RARB: variants seen among roughly 807,000 people sequenced by gnomAD.
RARB encodes retinoic acid receptor beta, also known as HBV-activated protein.
RARB carries 17 observed loss-of-function variants against 51.9 expected under a neutral mutation model. That is an observed-to-expected ratio of 0.33 (90% CI 0.22 to 0.49). The LOEUF is 0.49. Ranked by LOEUF, RARB falls within the 20% of genes least tolerant of loss-of-function variation. The pLI is 0.99. For missense variants in RARB, 369 were observed against 550.8 expected (o/e 0.67, Z 3.30); for synonymous variants, 215 against 195.4 (o/e 1.10, Z -0.84).
At chr3:25,270,236 TC>T (rs1703226970) in intron 5 of RARB, among the ~76,000 whole-genome samples, 1 of 152,192 alleles carries the variant, frequency 6.6e-6, no homozygotes, top group South Asian at 2.1e-4. Context: ...AATCCAAATC[TC>T]CATTGGTGCA....
At chr3:24,934,710 A>G (rs1695513944) in intron 2 of RARB, among the ~76,000 whole-genome samples, 1 of 152,154 alleles carries the variant, frequency 6.6e-6, no homozygotes, top group African/African-American at 2.4e-5. Context: ...TCTAAGAAGA[A>G]AATGCTTGGC....
chr3:25,561,025 C>T (rs1575520349), intron 3 of RARB, among the ~76,000 whole-genome samples: 1 of 152,170 alleles, frequency 6.6e-6, no homozygotes, highest in Non-Finnish European at 1.5e-5. Context: ...CTGATGTCCT[C>T]ATTTTTCAGA....
At chr3:24,865,972 C>T (rs990801044) in intron 2 of RARB, among the ~76,000 whole-genome samples, 1 of 152,114 alleles carries the variant, frequency 6.6e-6, no homozygotes, top group Non-Finnish European at 1.5e-5. Flanking sequence ...AAGTTGACCT[C>T]TTTCCCCCTA....
At chr3:25,478,363 G>T (rs1017082924) in intron 2 of RARB, among the ~76,000 whole-genome samples, 8 of 152,198 alleles carry the variant, frequency 5.3e-5, no homozygotes, top group Non-Finnish European at 1.2e-4. Flanking sequence ...TGAATCACAG[G>T]CTCTTTCTTC....
intron 5 of RARB, among the ~76,000 whole-genome samples, chr3:25,264,643 C>T (rs1201331375): frequency 6.6e-6 from 1 of 152,026 alleles, no homozygotes; most frequent in Non-Finnish European, 1.5e-5. Flanking sequence ...AAAGTTTAAA[C>T]AATATAAAAA....
chr3:25,069,260 T>C (rs897046660), intron 3 of RARB, among the ~76,000 whole-genome samples: 2 of 151,820 alleles, frequency 1.3e-5, no homozygotes, highest in African/African-American at 2.4e-5. Context: ...ATAAACTCAT[T>C]GATATTGAGG....
Position 25,347,334 on chromosome 3 carries a change from C to G in RARB, c.179-113859C>G, listed in dbSNP as rs138655517. ...GAGGCTTTCCACCCTTCATGGCGGA[C>G]TTGACCAGCTATCCAGCCTATGACA... On this transcript the variant is annotated intron_variant, in intron 5 of 11. Coordinates refer to the RARB transcript ENST00000383772. 7.6e-3 allele frequency among the ~76,000 whole-genome samples: 1,158 copies of G among 152,308 alleles called. 15 individuals are homozygous for G. Among genetic ancestry groups the G allele is most frequent in the African/African-American group, 0.026 (1,078 of 41,572 alleles).
At chr3:24,996,139 T>C (rs1337254895) in intron 2 of RARB, among the ~76,000 whole-genome samples, 2 of 152,096 alleles carry the variant, frequency 1.3e-5, no homozygotes, top group Non-Finnish European at 2.9e-5. Flanking sequence ...TCCCATGCCT[T>C]GTTATTGGTC....
At chr3:25,047,537 G>T (rs1698241759) in intron 2 of RARB, among the ~76,000 whole-genome samples, 1 of 152,218 alleles carries the variant, frequency 6.6e-6, no homozygotes, top group Admixed American at 6.5e-5. Context: ...AAGGAACACG[G>T]TGTTGCATAG....
intron 2 of RARB, among the ~76,000 whole-genome samples, chr3:24,871,928 C>G (rs1314050604): frequency 6.6e-6 from 1 of 152,104 alleles, no homozygotes; most frequent in Non-Finnish European, 1.5e-5. Context: ...TATCCCATCT[C>G]ACCACTTCCC....
chr3:25,331,991 T>C (rs1339486252), intron 5 of RARB, among the ~76,000 whole-genome samples: 1 of 152,184 alleles, frequency 6.6e-6, no homozygotes, highest in Non-Finnish European at 1.5e-5. Flanking sequence ...TTTGAGTCCC[T>C]GAATAGACCA....
At chr3:25,101,613 A>G (rs1368276218) in intron 3 of RARB, among the ~76,000 whole-genome samples, 2 of 150,354 alleles carry the variant, frequency 1.3e-5, no homozygotes, top group Non-Finnish European at 3.0e-5. Context: ...TTATATCAAC[A>G]TTTATTTAAC....
intron 3 of RARB, among the ~76,000 whole-genome samples, chr3:25,127,675 C>T (rs963765777): frequency 3.3e-5 from 5 of 151,780 alleles, no homozygotes; most frequent in African/African-American, 4.8e-5. Context: ...AGAAAAGAAA[C>T]GAAGGAGCGA....
chr3:25,513,431 A>G (rs1263664641), intron 3 of RARB, among the ~76,000 whole-genome samples: 1 of 152,188 alleles, frequency 6.6e-6, no homozygotes, highest in Non-Finnish European at 1.5e-5. Flanking sequence ...AGAGATTTGA[A>G]CACGTGAACT....
chr3:25,318,710 A>T (rs1460597924), intron 5 of RARB, among the ~76,000 whole-genome samples: 1 of 152,166 alleles, frequency 6.6e-6, no homozygotes, highest in African/African-American at 2.4e-5. Context: ...TGAAAGAATG[A>T]TTTTCTCCCA....
At chr3:25,260,276 G>A (rs1290902055) in intron 5 of RARB, among the ~76,000 whole-genome samples, 2 of 152,074 alleles carry the variant, frequency 1.3e-5, no homozygotes, top group South Asian at 2.1e-4. Flanking sequence ...GCAGTATTTT[G>A]TATAGAATAA....
intron 5 of RARB, among the ~76,000 whole-genome samples, chr3:25,260,487 A>G (rs1191585388): frequency 6.6e-6 from 1 of 152,124 alleles, no homozygotes; most frequent in African/African-American, 2.4e-5. Flanking sequence ...GGGCAGAAGA[A>G]AATCTCACAC....
chr3:25,038,201 T>C (rs546784029), intron 2 of RARB, among the ~76,000 whole-genome samples: 18 of 152,274 alleles, frequency 1.2e-4, no homozygotes, highest in Middle Eastern at 3.4e-3. Context: ...ATTTTTGTGA[T>C]GAAGGAATTT....
At chr3:24,968,796 T>G (rs1340106630) in intron 2 of RARB, among the ~76,000 whole-genome samples, 1 of 152,140 alleles carries the variant, frequency 6.6e-6, no homozygotes, top group Non-Finnish European at 1.5e-5. Flanking sequence ...GTCATGTGAC[T>G]AAGCCCAGAG....
Sources: gnomAD v4.1 joint callset for allele counts (sites outside exome capture counted in the v4.1 genomes callset) on GRCh38, gnomAD v4.1.1 for gene constraint, MANE v1.5 for transcripts, NCBI Gene and HGNC (gene_info 2026-07-23, HGNC 2026-07-21) for gene names.